RANBP2: variants seen among roughly 807,000 people sequenced by gnomAD.
The protein encoded by RANBP2 is E3 SUMO-protein ligase RanBP2.
RANBP2 carries 57 observed loss-of-function variants against 303.6 expected under a neutral mutation model. The ratio of observed to expected loss-of-function variants is 0.19; its 90% confidence interval spans 0.15 to 0.23. The LOEUF is 0.23. RANBP2 is among the 10% of genes least tolerant of loss of function. The probability of loss-of-function intolerance (pLI) is 1.00; values close to 1 mark genes in which losing one functional copy is unlikely to be tolerated. For missense variants in RANBP2, 3,138 were observed against 3,780.8 expected, an observed-to-expected ratio of 0.83 and a Z score of 4.46; for synonymous variants, 1,167 against 1,301.5, an observed-to-expected ratio of 0.90 and a Z score of 2.23.
the RANBP2 span, among the ~76,000 whole-genome samples, chr2:109,001,996 C>A: frequency 6.6e-6 from 1 of 152,188 alleles, no homozygotes; most frequent in African/African-American, 2.4e-5. Flanking sequence ...TCCCAAAGTG[C>A]TGGGATTACA....
chr2:109,467,859 C>T, the RANBP2 span, among the ~76,000 whole-genome samples: 1 of 152,152 alleles, frequency 6.6e-6, no homozygotes, highest in African/African-American at 2.4e-5. Flanking sequence ...CACCCTCCGC[C>T]GTCATTCACA....
At chr2:108,812,899 A>C in the RANBP2 span, 41 of 1,613,714 alleles carry the variant, frequency 2.5e-5, no homozygotes, top group African/African-American at 4.4e-4. Flanking sequence ...TTAAAACAAG[A>C]AAAAGCACCA....
the RANBP2 span, among the ~76,000 whole-genome samples, chr2:109,085,935 G>A: frequency 8.5e-5 from 13 of 152,214 alleles, no homozygotes; most frequent in East Asian, 7.7e-4. Flanking sequence ...GCACAGTTCC[G>A]TGGCATTAAG....
At chr2:109,059,951 T>G in the RANBP2 span, among the ~76,000 whole-genome samples, 1 of 152,212 alleles carries the variant, frequency 6.6e-6, no homozygotes, top group East Asian at 1.9e-4. Context: ...CTGTTAGGAC[T>G]GGCCAGGGCC....
the RANBP2 span, among the ~76,000 whole-genome samples, chr2:109,672,594 G>A: frequency 8.5e-5 from 13 of 152,074 alleles, no homozygotes; most frequent in East Asian, 2.1e-3. Flanking sequence ...TATTACCTTC[G>A]GTATGAACTG....
At chr2:109,085,539 G>A in the RANBP2 span, among the ~76,000 whole-genome samples, 147 of 150,386 alleles carry the variant, frequency 9.8e-4, 2 homozygotes, top group South Asian at 1.7e-3. Flanking sequence ...TCCTGACCTC[G>A]TGATCCGCCT....
chr2:108,868,678 A>C, the RANBP2 span, among the ~76,000 whole-genome samples: 1 of 152,180 alleles, frequency 6.6e-6, no homozygotes, highest in Non-Finnish European at 1.5e-5. Context: ...TTTCTTCTGA[A>C]GAAGAACAGA....
the RANBP2 span, among the ~76,000 whole-genome samples, chr2:108,939,387 A>G: frequency 1.3e-5 from 2 of 152,180 alleles, no homozygotes; most frequent in African/African-American, 2.4e-5. Flanking sequence ...GGGTTTCACC[A>G]TGTTGGCAAG....
chr2:108,791,750 T>C, the RANBP2 span: 11 of 1,605,562 alleles, frequency 6.9e-6, no homozygotes, highest in Admixed American at 1.7e-5. Flanking sequence ...AAAATGATTA[T>C]AGAGTTAGTA....
chr2:108,760,657 A>G (rs1676665971), intron 18 of RANBP2, among the ~76,000 whole-genome samples: 1 of 152,202 alleles, frequency 6.6e-6, no homozygotes, highest in South Asian at 2.1e-4. Context: ...TTTTAATACT[A>G]GTCATGGTCA....
chr2:109,434,367 T>C, the RANBP2 span, among the ~76,000 whole-genome samples: 1 of 152,230 alleles, frequency 6.6e-6, no homozygotes, highest in African/African-American at 2.4e-5. Flanking sequence ...CCAGTTTCTC[T>C]CCTCTGATTC....
At chr2:109,078,182 AGCATATATATATAGC>A in the RANBP2 span, among the ~76,000 whole-genome samples, 1 of 106,942 alleles carries the variant, frequency 9.4e-6, no homozygotes, top group Non-Finnish European at 1.9e-5. Context: ...GTATATATAT[AGCATATATATATAGC>A]GTATATATAT....
At chr2:109,344,440 T>C in the RANBP2 span, among the ~76,000 whole-genome samples, 1 of 152,226 alleles carries the variant, frequency 6.6e-6, no homozygotes. Context: ...CTGAGGATGC[T>C]GTCTGCCGTG....
the RANBP2 span, among the ~76,000 whole-genome samples, chr2:109,199,612 T>TAAACCCGAGTAGTAC: frequency 3.0e-3 from 1 of 336 alleles, no homozygotes; most frequent in African/African-American, 8.8e-3. Context: ...TGGAATGGAA[T>TAAACCCGAGTAGTAC]GGAATGGAAT....
the RANBP2 span, among the ~76,000 whole-genome samples, chr2:109,704,940 G>A: frequency 1.3e-5 from 2 of 152,136 alleles, no homozygotes; most frequent in African/African-American, 4.8e-5. Flanking sequence ...GAATCGTACA[G>A]GATGCTCAAA....
the RANBP2 span, among the ~76,000 whole-genome samples, chr2:109,385,900 CT>C: frequency 6.6e-6 from 1 of 151,416 alleles, no homozygotes; most frequent in Admixed American, 6.6e-5. Context: ...TGAAACTCTG[CT>C]CTTCTTCATA....
the RANBP2 span, among the ~76,000 whole-genome samples, chr2:108,827,892 A>T: frequency 6.6e-6 from 1 of 151,970 alleles, no homozygotes; most frequent in South Asian, 2.1e-4. Flanking sequence ...AAAAAAATTC[A>T]TCAGAGATTC....
the RANBP2 span, among the ~76,000 whole-genome samples, chr2:109,673,956 T>C: frequency 6.6e-6 from 1 of 152,182 alleles, no homozygotes; most frequent in African/African-American, 2.4e-5. Flanking sequence ...TTCTGAAGAC[T>C]AATGAGGTTG....
At chr2:109,204,210 A>ATGTC in the RANBP2 span, among the ~76,000 whole-genome samples, 2 of 152,034 alleles carry the variant, frequency 1.3e-5, no homozygotes, top group Non-Finnish European at 2.9e-5. Flanking sequence ...ATCTGTCTGT[A>ATGTC]TGTCTGTCTG....
Sources: allele counts gnomAD v4.1 joint callset (sites outside exome capture counted in the v4.1 genomes callset), GRCh38; gene constraint gnomAD v4.1.1; transcripts MANE v1.5; gene names NCBI Gene and HGNC (gene_info 2026-07-23, HGNC 2026-07-21).